The following FBXO10 variants were observed in gnomAD, a reference collection of about 807,000 sequenced individuals.
FBXO10 encodes F-box protein 10.
In FBXO10, 39 loss-of-function variants were observed where a neutral mutation model predicts 80.7. The ratio of observed to expected loss-of-function variants is 0.48; its 90% CI spans 0.37 to 0.63. The LOEUF (loss-of-function observed/expected upper bound fraction) is 0.63. Among genes scored for constraint, FBXO10 ranks in the 30% least tolerant of loss-of-function variants. The pLI is 0.00. For synonymous variants in FBXO10, 449 were observed against 489.6 expected, an observed-to-expected ratio of 0.92 and a Z score of 1.09; for missense variants, 1,025 against 1,269.0, an observed-to-expected ratio of 0.81 and a Z score of 2.92.
At chr9:37,560,500 C>T (rs937618648) in intron 1 of FBXO10, among the ~76,000 whole-genome samples, 8 of 152,154 alleles carry the variant, frequency 5.3e-5, no homozygotes, top group Admixed American at 5.2e-4. Flanking sequence ...ATGAAGCCAA[C>T]AATTGCCCCC....
At chr9:37,571,714 C>CATATATATATATAA in intron 1 of FBXO10, among the ~76,000 whole-genome samples, 1 of 93,158 alleles carries the variant, frequency 1.1e-5, no homozygotes, top group South Asian at 3.4e-4. Flanking sequence ...AAAAGAGAGC[C>CATATATATATATAA]ATATATATAT....
chr9:37,549,359 G>A (rs1450192798), intron 1 of FBXO10, among the ~76,000 whole-genome samples: 1 of 152,168 alleles, frequency 6.6e-6, no homozygotes, highest in Non-Finnish European at 1.5e-5. Context: ...CAAATGTGTA[G>A]TTTAGAGAAT....
intron 10 of FBXO10, among the ~76,000 whole-genome samples, chr9:37,514,364 G>C (rs1821132467): frequency 6.6e-6 from 1 of 152,096 alleles, no homozygotes; most frequent in African/African-American, 2.4e-5. Context: ...TGTACCCTGG[G>C]GTCTCCAAAG....
intron 2 of FBXO10, among the ~76,000 whole-genome samples, chr9:37,539,165 C>T (rs1673305585): frequency 6.6e-6 from 1 of 152,180 alleles, no homozygotes; most frequent in South Asian, 2.1e-4. Flanking sequence ...TTAAAATTGA[C>T]CTTTGATAGA....
intron 7 of FBXO10, chr9:37,522,229 CCT>C (rs1328697227): frequency 1.8e-6 from 1 of 558,392 alleles, no homozygotes; most frequent in Non-Finnish European, 2.3e-6. Context: ...GGTTACCAGA[CCT>C]CTCTCTGTCC....
chr9:37,516,214 T>C (rs79289161), intron 9 of FBXO10, 129 bp from the exon 10 acceptor site: 1 of 1,033,322 alleles, frequency 9.7e-7, no homozygotes. Flanking sequence ...GAAGAGCCTA[T>C]GAGCTCAAAG....
chr9:37,570,001 A>G (rs886893958), intron 1 of FBXO10, among the ~76,000 whole-genome samples: 1 of 152,248 alleles, frequency 6.6e-6, no homozygotes, highest in Non-Finnish European at 1.5e-5. Flanking sequence ...TGGAAATTAG[A>G]ATATTTTTAG....
intron 1 of FBXO10, among the ~76,000 whole-genome samples, chr9:37,568,707 G>GGAGTTCATGTGGTCTAAGGTCA (rs879410154): frequency 6.6e-6 from 1 of 151,994 alleles, no homozygotes; most frequent in Non-Finnish European, 1.5e-5. Context: ...GTCTAAGGTC[G>GGAGTTCATGTGGTCTAAGGTCA]GAGTTCATGT....
chr9:37,567,584 CTG>C (rs1333035734), intron 1 of FBXO10, among the ~76,000 whole-genome samples: 1 of 152,144 alleles, frequency 6.6e-6, no homozygotes, highest in Admixed American at 6.5e-5. Context: ...ATTTCATGAT[CTG>C]TGAGTTTATA....
At chr9:37,573,649 A>C (rs1822817237) in intron 1 of FBXO10, among the ~76,000 whole-genome samples, 1 of 152,220 alleles carries the variant, frequency 6.6e-6, no homozygotes, top group Non-Finnish European at 1.5e-5. Flanking sequence ...AGGCTGGAGA[A>C]GGAGACACTG....
chr9:37,570,193 C>T (rs1822711807), intron 1 of FBXO10, among the ~76,000 whole-genome samples: 1 of 152,104 alleles, frequency 6.6e-6, no homozygotes, highest in South Asian at 2.1e-4. Context: ...TGCATGCAAT[C>T]CCAGCTACTT....
chr9:37,521,626 G>T lies in FBXO10; in HGVS notation c.2143C>A (p.Leu715Met), dbSNP rs373947307. The change falls in exon 8 of 11, where the codon CTG (leucine) becomes ATG (methionine). Residue 715 changes from leucine to methionine, a missense_variant. Around this residue, in one of 3 missense-constraint regions of FBXO10, gnomAD observed 478 missense variants for 667.8 expected, o/e 0.72. Transcript: ENST00000432825. ...AGAGCTATGGTGATGGGCCGGCGCA[G>T]TGGGTCGTCCTCCTTCTCCAGCTCT... ...ETELEKEDDP[L>M]RRPITIALVE... 5 of 1,613,862 alleles carry T rather than the reference G, an allele frequency of 3.1e-6. No homozygotes were observed. The African/African-American group carries it at 5.3e-5, about 17-fold the overall frequency.
chr9:37,516,656 C>T (rs1821184225), intron 9 of FBXO10, among the ~76,000 whole-genome samples: 1 of 152,146 alleles, frequency 6.6e-6, no homozygotes, highest in Non-Finnish European at 1.5e-5. Context: ...GCCCATCAGC[C>T]AAAGAGTGGA....
intron 5 of FBXO10, among the ~76,000 whole-genome samples, chr9:37,527,734 T>C (rs1160415519): frequency 2.0e-5 from 3 of 152,206 alleles, no homozygotes; most frequent in African/African-American, 7.2e-5. Flanking sequence ...TTGTACATGT[T>C]GTATATCACT....
intron 1 of FBXO10, among the ~76,000 whole-genome samples, chr9:37,543,302 C>T (rs939231631): frequency 4.6e-5 from 7 of 152,126 alleles, no homozygotes; most frequent in African/African-American, 1.7e-4. Context: ...CAAAGGATCC[C>T]CGACCTCTTG....
rs146412596 is a variant in FBXO10, at chr9:37,559,981, G to A, written c.-7+16230C>T. ...TAAAGGGCATTATTATAAAGCCCTC[G>A]GACACCTTGAGATTGACTTCACTAC... On this transcript the variant is annotated intron_variant, in intron 1 of 10. Coordinates refer to ENST00000432825, the MANE Select transcript of FBXO10 (RefSeq NM_012166.3). 3.3e-3 allele frequency among the ~76,000 whole-genome samples: 504 copies of A among 152,242 alleles called. 4 individuals carry two copies. The highest frequency in any genetic ancestry group is 0.011 in the African/African-American group (471 of 41,554).
chr9:37,513,933 G>C (rs552367134), intron 10 of FBXO10, among the ~76,000 whole-genome samples: 41 of 152,262 alleles, frequency 2.7e-4, no homozygotes, highest in Non-Finnish European at 5.9e-5. Flanking sequence ...AAATCTATGG[G>C]GGATAGAAGT....
rs1293614050 is a variant in FBXO10, at chr9:37,545,457, G to A, written c.-6-3683C>T. 3.3e-5 allele frequency among the ~76,000 whole-genome samples: 5 copies of A among 152,130 alleles called. No homozygotes were observed. In the South Asian group the frequency reaches 6.2e-4, roughly 19 times the overall value. On this transcript the variant is annotated intron_variant, in intron 1 of 10. Coordinates refer to ENST00000432825, the MANE Select transcript of FBXO10 (RefSeq NM_012166.3). ...CTCCCAAAGTCCTGGGATTACAGGC[G>A]TGAGCCATCGAGCCTGGCCTCTCAG...
intron 8 of FBXO10, among the ~76,000 whole-genome samples, chr9:37,519,647 G>A (rs887812202): frequency 6.6e-6 from 1 of 152,186 alleles, no homozygotes; most frequent in Non-Finnish European, 1.5e-5. Flanking sequence ...GTGAACGTAG[G>A]TGGCTTTGCC....
Sources: gnomAD v4.1 joint callset for allele counts (sites outside exome capture counted in the v4.1 genomes callset) on GRCh38, gnomAD v4.1.1 for gene constraint, gnomAD v4.1.1 regional missense constraint, MANE v1.5 for transcripts, NCBI Gene and HGNC (gene_info 2026-07-23, HGNC 2026-07-21) for gene names.